The following HNF4G variants were observed in gnomAD, a reference collection of about 807,000 sequenced individuals.
HNF4G encodes hepatocyte nuclear factor 4 gamma.
In HNF4G, 21 loss-of-function variants were observed where a neutral mutation model predicts 50.9. The ratio of observed to expected loss-of-function variants is 0.41; its 90% confidence interval spans 0.29 to 0.59. The LOEUF (loss-of-function observed/expected upper bound fraction) is 0.59. Ranked by LOEUF, HNF4G falls within the 20% of genes least tolerant of loss-of-function variation. The pLI is 0.26. For synonymous variants in HNF4G, 198 were observed against 185.6 expected, an observed-to-expected ratio of 1.07 and a Z score of -0.54; for missense variants, 527 against 559.4, an observed-to-expected ratio of 0.94 and a Z score of 0.58.
chr8:75,443,618 C>A (rs28532839), intron 1 of HNF4G, among the ~76,000 whole-genome samples: 8,876 of 152,134 alleles, frequency 0.058, 749 homozygotes, highest in African/African-American at 0.18. Context: ...ACCTTAGTCA[C>A]CAGAGTGGTG....
At chr8:75,477,342 G>C (rs1812263886) in intron 1 of HNF4G, among the ~76,000 whole-genome samples, 4 of 151,962 alleles carry the variant, frequency 2.6e-5, no homozygotes, top group Admixed American at 2.6e-4. Context: ...CACACTATGG[G>C]GAATGAGAAA....
intron 8 of HNF4G, among the ~76,000 whole-genome samples, chr8:75,559,360 G>C (rs576102300): frequency 2.5e-4 from 37 of 150,626 alleles, no homozygotes; most frequent in African/African-American, 9.0e-4. Context: ...TGCAACCTCC[G>C]ACTCCCTAAT....
intron 1 of HNF4G, among the ~76,000 whole-genome samples, chr8:75,483,553 C>T (rs1040434774): frequency 2.0e-5 from 3 of 152,180 alleles, no homozygotes; most frequent in Admixed American, 1.3e-4. Flanking sequence ...CCCTGCATCT[C>T]ACCAAGTGGA....
chr8:75,474,048 G>T (rs1426677130), intron 1 of HNF4G, among the ~76,000 whole-genome samples: 1 of 152,184 alleles, frequency 6.6e-6, no homozygotes, highest in Non-Finnish European at 1.5e-5. Flanking sequence ...ACTAGGGATA[G>T]TCAATAGAGA....
At chr8:75,542,565 G>T (rs1329366237) in intron 1 of HNF4G, among the ~76,000 whole-genome samples, 1 of 149,708 alleles carries the variant, frequency 6.7e-6, no homozygotes, top group Admixed American at 6.7e-5. Flanking sequence ...AGACGGTATT[G>T]CTGGAGAATA....
At chr8:75,501,684 A>C (rs1812931049) in intron 2 of HNF4G, among the ~76,000 whole-genome samples, 1 of 152,108 alleles carries the variant, frequency 6.6e-6, no homozygotes, top group Admixed American at 6.6e-5. Context: ...AGATAAAACA[A>C]ATTTTTTAAA....
rs541877144 is a variant in HNF4G, at chr8:75,410,072, AT to A, written c.-144+1919del. ...AATACTTATCTGTCAATATATACAG[AT>A]TTTTTTTTAAATGTGTCTACCCAAT... On this transcript the variant is annotated intron_variant, in intron 1 of 10. Coordinates refer to the HNF4G transcript ENST00000354370. Among the ~76,000 whole-genome samples, 831 of 151,812 alleles carry A rather than the reference AT, an allele frequency of 5.5e-3. 5 individuals carry two copies. Among genetic ancestry groups the A allele is most frequent in the African/African-American group, 0.019 (805 of 41,418 alleles).
At chr8:75,543,674 G>A (rs1045697095) in intron 1 of HNF4G, 137 bp from the exon 2 acceptor site, 2 of 623,184 alleles carry the variant, frequency 3.2e-6, no homozygotes, top group Non-Finnish European at 5.3e-6. Flanking sequence ...GCCAGCCAGG[G>A]GTTAAAAGGA....
intron 3 of HNF4G, among the ~76,000 whole-genome samples, chr8:75,548,796 C>A (rs191459971): frequency 1.7e-3 from 253 of 152,200 alleles, no homozygotes; most frequent in Non-Finnish European, 2.9e-3. Context: ...ATATATGAAG[C>A]CCATCTTTAA....
intron 1 of HNF4G, among the ~76,000 whole-genome samples, chr8:75,423,700 A>T (rs1487856111): frequency 6.7e-6 from 1 of 149,352 alleles, no homozygotes; most frequent in Non-Finnish European, 1.5e-5. Context: ...ATTTATGACT[A>T]TTCTTAATTA....
rs78978135 is a variant in HNF4G at position 75,411,054 on chromosome 8, T to C, written c.-144+2892T>C. On this transcript the variant is annotated intron_variant, in intron 1 of 10. Transcript: ENST00000354370. ...TCCTGTGCTGTTCATATTAACATTC[T>C]TCCTACTTTACAGACGGAAAAAGTG... 0.01 allele frequency among the ~76,000 whole-genome samples: 1,599 copies of C among 152,342 alleles called. 64 individuals carry two copies. In the East Asian group the frequency reaches 0.14, roughly 13 times the overall value.
At chr8:75,531,861 C>T (rs924838177) in intron 2 of HNF4G, among the ~76,000 whole-genome samples, 4 of 151,962 alleles carry the variant, frequency 2.6e-5, no homozygotes, top group East Asian at 1.9e-4. Context: ...TGAAACTGCC[C>T]CATATGGATA....
At chr8:75,509,444 C>T (rs543580103) in intron 2 of HNF4G, among the ~76,000 whole-genome samples, 9 of 152,126 alleles carry the variant, frequency 5.9e-5, no homozygotes, top group East Asian at 1.9e-4. Context: ...TGTGAGAAGC[C>T]GGAACATTCT....
Position 75,564,459 on chromosome 8 carries a change from G to T in HNF4G, c.*363G>T. The T allele has an allele frequency of 6.4e-6, 1 of 155,994 alleles. No individual in the cohort carries two copies. The highest frequency in any genetic ancestry group is 1.4e-5 in the Non-Finnish European group (1 of 70,600). 9.7% of individuals were successfully genotyped at this position (155,994 alleles called of 1,614,324 possible). ...TGATGTGATACAGAACAAAGTGTTC[G>T]TTTTTGACTGAAAATAGTAGATCAG... On this transcript the variant is annotated 3_prime_UTR_variant, in exon 10 of 10. Coordinates refer to ENST00000396423, the MANE Select transcript of HNF4G (RefSeq NM_004133.5).
intron 9 of HNF4G, among the ~76,000 whole-genome samples, chr8:75,563,142 TGTTA>T (rs1411071381): frequency 3.9e-5 from 6 of 152,178 alleles, no homozygotes; most frequent in Non-Finnish European, 7.4e-5. Flanking sequence ...AAACATTTTC[TGTTA>T]GTTCTGTTTA....
At chr8:75,562,566 C>CA (rs1405951379) in intron 9 of HNF4G, among the ~76,000 whole-genome samples, 9 of 152,108 alleles carry the variant, frequency 5.9e-5, no homozygotes. Flanking sequence ...AAATAAAACA[C>CA]ATTAACAACA....
chr8:75,510,599 T>C (rs1384366245), intron 2 of HNF4G, among the ~76,000 whole-genome samples: 4 of 152,146 alleles, frequency 2.6e-5, no homozygotes, highest in Non-Finnish European at 5.9e-5. Context: ...AAGGTTACCA[T>C]TGTGTTATAA....
At chr8:75,544,105 C>A in intron 2 of HNF4G, 126 bp downstream of exon 2, 2 of 771,090 alleles carry the variant, frequency 2.6e-6, no homozygotes, top group Non-Finnish European at 4.1e-6. Flanking sequence ...CTCTAAACTG[C>A]GGTACAAGTA....
At chr8:75,546,474 C>A (rs1285701657) in intron 2 of HNF4G, among the ~76,000 whole-genome samples, 1 of 152,048 alleles carries the variant, frequency 6.6e-6, no homozygotes, top group Non-Finnish European at 1.5e-5. Flanking sequence ...CCATTTTCAT[C>A]ACCTTATAAA....
Sources: gnomAD v4.1 joint callset for allele counts (sites outside exome capture counted in the v4.1 genomes callset) on GRCh38, gnomAD v4.1.1 for gene constraint, MANE v1.5 for transcripts, NCBI Gene and HGNC (gene_info 2026-07-23, HGNC 2026-07-21) for gene names.